The following RIMS2 variants were observed in gnomAD, a reference collection of about 807,000 sequenced individuals.
RIMS2 encodes regulating synaptic membrane exocytosis protein 2.
In RIMS2, 59 loss-of-function variants were observed where a neutral mutation model predicts 174.4. The ratio of observed to expected loss-of-function variants is 0.34; its 90% confidence interval spans 0.27 to 0.42. The LOEUF (loss-of-function observed/expected upper bound fraction) is 0.42. Among genes scored for constraint, RIMS2 ranks in the 10% least tolerant of loss-of-function variants. The pLI is 1.00. For missense variants in RIMS2, 1,620 were observed against 1,666.3 expected, an observed-to-expected ratio of 0.97 and a Z score of 0.48; for synonymous variants, 606 against 572.5, an observed-to-expected ratio of 1.06 and a Z score of -0.84.
At chr8:103,504,833 CT>C (rs1822533656) in intron 1 of RIMS2, among the ~76,000 whole-genome samples, 1 of 124,510 alleles carries the variant, frequency 8.0e-6, no homozygotes, top group African/African-American at 3.0e-5. Flanking sequence ...TCTTTCTTTT[CT>C]TTTCTTTCTT....
At chr8:103,684,631 G>T (rs1000441555) in intron 1 of RIMS2, among the ~76,000 whole-genome samples, 9 of 150,526 alleles carry the variant, frequency 6.0e-5, no homozygotes, top group Non-Finnish European at 1.2e-4. Flanking sequence ...CTATCCCCCA[G>T]GTTGGAGTGC....
chr8:104,100,837 ATATATATGTAT>A (rs1046658673), intron 19 of RIMS2, among the ~76,000 whole-genome samples: 1 of 140,070 alleles, frequency 7.1e-6, no homozygotes, highest in Admixed American at 7.6e-5. Context: ...GTAATATATA[ATATATATGTAT>A]TATATATGTA....
intron 2 of RIMS2, among the ~76,000 whole-genome samples, chr8:103,761,793 T>C (rs1181384650): frequency 6.6e-6 from 1 of 152,222 alleles, no homozygotes; most frequent in Non-Finnish European, 1.5e-5. Flanking sequence ...TGCACACATA[T>C]TTATAAGCAG....
chr8:104,025,898 T>C (rs1344160031), intron 19 of RIMS2, among the ~76,000 whole-genome samples: 1 of 152,206 alleles, frequency 6.6e-6, no homozygotes, highest in Non-Finnish European at 1.5e-5. Context: ...TTTAGTATGG[T>C]AACAAGCTGT....
At chr8:103,769,874 C>T (rs2098230389) in intron 3 of RIMS2, among the ~76,000 whole-genome samples, 1 of 152,100 alleles carries the variant, frequency 6.6e-6, no homozygotes. Flanking sequence ...CTTACAAATG[C>T]CCAACCAATA....
chr8:103,698,761 G>T (rs1331188246), intron 2 of RIMS2, among the ~76,000 whole-genome samples: 1 of 151,998 alleles, frequency 6.6e-6, no homozygotes, highest in African/African-American at 2.4e-5. Flanking sequence ...ACATGCCATG[G>T]TGCCTGTCTG....
intron 1 of RIMS2, among the ~76,000 whole-genome samples, chr8:103,578,166 A>C (rs1314586514): frequency 6.6e-6 from 1 of 152,240 alleles, no homozygotes; most frequent in Non-Finnish European, 1.5e-5. Flanking sequence ...GAGTACCCCA[A>C]GGCACATAAT....
At chr8:103,943,198 A>G (rs1378993351) in intron 14 of RIMS2, among the ~76,000 whole-genome samples, 2 of 152,242 alleles carry the variant, frequency 1.3e-5, no homozygotes, top group Admixed American at 6.5e-5. Context: ...GCATATTTAC[A>G]TTTAAATCTT....
chr8:103,724,776 A>G (rs1341474507), intron 2 of RIMS2, among the ~76,000 whole-genome samples: 1 of 152,178 alleles, frequency 6.6e-6, no homozygotes, highest in Admixed American at 6.5e-5. Context: ...TTTTTCATAT[A>G]TAGAATTCCC....
intron 3 of RIMS2, among the ~76,000 whole-genome samples, chr8:103,832,826 T>C (rs751218507): frequency 6.6e-6 from 1 of 152,246 alleles, no homozygotes; most frequent in Non-Finnish European, 1.5e-5. Context: ...TTTACAATCA[T>C]TCACAATCTA....
chr8:103,726,292 G>A (rs1376330152), intron 2 of RIMS2, among the ~76,000 whole-genome samples: 1 of 152,172 alleles, frequency 6.6e-6, no homozygotes, highest in Non-Finnish European at 1.5e-5. Flanking sequence ...AAGTCAAGGA[G>A]CATCTGTTAA....
intron 1 of RIMS2, among the ~76,000 whole-genome samples, chr8:103,593,960 G>T (rs943769365): frequency 2.0e-5 from 3 of 151,500 alleles, no homozygotes; most frequent in Non-Finnish European, 4.4e-5. Context: ...TTGGAGAACT[G>T]ATGAAATAGA....
rs190257898 is a variant in RIMS2 at position 103,628,542 on chromosome 8, C to T, written c.177-68544C>T. On this transcript the variant is annotated intron_variant, in intron 1 of 23. Transcript: ENST00000504942. ...GCTAATTTTGTATTTTTAGAAGAGACGGGGTTTCTCCATGTTGGTCAGGCT... is the reference window on the plus strand; with the variant it reads ...GCTAATTTTGTATTTTTAGAAGAGATGGGGTTTCTCCATGTTGGTCAGGCT... Among the ~76,000 whole-genome samples the T allele has an allele frequency of 2.8e-3, 423 of 151,782 alleles. 4 individuals are homozygous for T. Among genetic ancestry groups the T allele is most frequent in the African/African-American group, 8.7e-3 (360 of 41,422 alleles).
intron 1 of RIMS2, among the ~76,000 whole-genome samples, chr8:103,675,741 T>C (rs1297097747): frequency 6.6e-6 from 1 of 152,160 alleles, no homozygotes; most frequent in Non-Finnish European, 1.5e-5. Flanking sequence ...AACTCCTTTT[T>C]TTTTTACAAA....
At position 103,875,113 on chromosome 8, in the gene RIMS2, A is replaced by G. The variant is rs542563372; in HGVS notation, c.699-10185A>G. 2.1e-4 allele frequency among the ~76,000 whole-genome samples: 32 copies of G among 152,146 alleles called. No individual in the cohort carries two copies. In the South Asian group the frequency reaches 5.4e-3, roughly 26 times the overall value. ...TCAAGAGCAGAATTATTAAAAAGAG[A>G]TTAAATTTTTTTATTTCTATAGCTT... On this transcript the variant is annotated intron_variant, in intron 3 of 23. Coordinates refer to ENST00000504942, the Ensembl canonical transcript of RIMS2.
chr8:103,651,743 T>G (rs1284496202), intron 1 of RIMS2, among the ~76,000 whole-genome samples: 1 of 152,086 alleles, frequency 6.6e-6, no homozygotes, highest in African/African-American at 2.4e-5. Context: ...TCTCTGCTCC[T>G]TTAGGCATAA....
At position 103,927,960 on chromosome 8, in the gene RIMS2, G is replaced by A. The variant is rs1234973790; in HGVS notation, c.2244+71G>A. On this transcript the variant is annotated intron_variant, in intron 11 of 23. Coordinates refer to ENST00000504942, the Ensembl canonical transcript of RIMS2. ...CTATTTGTATGTTTTTGGAAAATGC[G>A]TTAGTAGGAAAACTTTTTTTGTTAT... The A allele has an allele frequency of 6.5e-5, 83 of 1,275,662 alleles. No homozygotes were observed. In the South Asian group the frequency reaches 9.9e-4, roughly 15 times the overall value. The allele number at this position is 1,275,662 out of a possible 1,614,324, so 79.0% of individuals were successfully genotyped here.
In RIMS2 at chr8:103,894,321, G is replaced by A. The variant is rs192055929; in HGVS notation, c.1624+8098G>A. ...TTTTGCAGTAGAAATATCTTCTAAG[G>A]TCAAAGTACAGTTCCAGCAATGTTT... On this transcript the variant is annotated intron_variant, in intron 4 of 23. Transcript: ENST00000504942. 3.4e-4 allele frequency among the ~76,000 whole-genome samples: 52 copies of A among 151,618 alleles called. 1 individual carries two copies. Among genetic ancestry groups the A allele is most frequent in the African/African-American group, 1.2e-3 (48 of 41,082 alleles).
At chr8:104,221,343 T>G (rs75551907) in intron 19 of RIMS2, among the ~76,000 whole-genome samples, 2,176 of 152,288 alleles carry the variant, frequency 0.014, 58 homozygotes, top group African/African-American at 0.05. Flanking sequence ...GTATTGTATT[T>G]TTTTAATTCT....
Sources: gnomAD v4.1 joint callset for allele counts (sites outside exome capture counted in the v4.1 genomes callset) on GRCh38, gnomAD v4.1.1 for gene constraint, MANE v1.5 for transcripts, NCBI Gene and HGNC (gene_info 2026-07-23, HGNC 2026-07-21) for gene names.